RAPGEF6: variants seen among roughly 807,000 people sequenced by gnomAD.
RAPGEF6 encodes Rap guanine nucleotide exchange factor 6, also known as PDZ domain containing guanine nucleotide exchange factor (GEF) 2.
In RAPGEF6, 56 loss-of-function variants were observed where a neutral mutation model predicts 171.4. The observed-to-expected ratio is 0.33, with a 90% confidence interval of 0.26 to 0.41. RAPGEF6 has a LOEUF of 0.41. Ranked by LOEUF, RAPGEF6 falls within the 10% of genes least tolerant of loss-of-function variation. The pLI, the probability that RAPGEF6 is intolerant of heterozygous loss-of-function variation, is 1.00. For missense variants in RAPGEF6, 1,674 were observed against 1,921.4 expected (o/e 0.87, Z 2.41); for synonymous variants, 692 against 650.1 (o/e 1.06, Z -0.98).
intron 6 of RAPGEF6, among the ~76,000 whole-genome samples, chr5:131,530,938 T>TG (rs1209187047): frequency 6.6e-6 from 1 of 152,208 alleles, no homozygotes; most frequent in East Asian, 1.9e-4. Context: ...CAGCAATGCT[T>TG]GGGCCATATA....
At chr5:131,443,432 C>T (rs1752506067) in intron 22 of RAPGEF6, among the ~76,000 whole-genome samples, 1 of 152,172 alleles carries the variant, frequency 6.6e-6, no homozygotes, top group African/African-American at 2.4e-5. Flanking sequence ...TGCTGAGGGT[C>T]AAGTTAACAT....
intron 17 of RAPGEF6, among the ~76,000 whole-genome samples, chr5:131,467,603 A>G (rs1224455462): frequency 6.6e-6 from 1 of 152,268 alleles, no homozygotes; most frequent in Non-Finnish European, 1.5e-5. Context: ...TTAATCGCTT[A>G]GATGAATGGT....
chr5:131,590,171 G>A (rs1220767407), intron 4 of RAPGEF6, among the ~76,000 whole-genome samples: 7 of 152,262 alleles, frequency 4.6e-5, no homozygotes, highest in South Asian at 2.1e-4. Flanking sequence ...TGCCCAAGGC[G>A]GGCAGATCAC....
chr5:131,432,930 G>A (rs1490749580), intron 25 of RAPGEF6, among the ~76,000 whole-genome samples: 2 of 151,672 alleles, frequency 1.3e-5, no homozygotes, highest in African/African-American at 2.4e-5. Flanking sequence ...AGATTTCCAC[G>A]TTGCTTGATT....
intron 9 of RAPGEF6, among the ~76,000 whole-genome samples, chr5:131,507,137 C>A (rs1208793078): frequency 6.8e-6 from 1 of 146,856 alleles, no homozygotes; most frequent in Non-Finnish European, 1.5e-5. Flanking sequence ...TTGGTTATGT[C>A]CAATTTTTAC....
chr5:131,459,975 A>G (rs1320875098), intron 19 of RAPGEF6, among the ~76,000 whole-genome samples: 1 of 152,210 alleles, frequency 6.6e-6, no homozygotes, highest in Non-Finnish European at 1.5e-5. Context: ...TTATAGCCAG[A>G]ACAGAATGAT....
chr5:131,547,615 T>A (rs540848423), intron 6 of RAPGEF6, among the ~76,000 whole-genome samples: 3 of 151,448 alleles, frequency 2.0e-5, no homozygotes, highest in Non-Finnish European at 4.4e-5. Context: ...GTTCAAGCAA[T>A]TCTCCTGCCT....
At chr5:131,566,517 T>C (rs536059910) in intron 4 of RAPGEF6, among the ~76,000 whole-genome samples, 7 of 152,286 alleles carry the variant, frequency 4.6e-5, no homozygotes, top group Non-Finnish European at 8.8e-5. Context: ...TGTATATTCA[T>C]GAGGAATAAT....
intron 5 of RAPGEF6, among the ~76,000 whole-genome samples, chr5:131,559,845 A>G (rs1761481691): frequency 6.7e-6 from 1 of 149,016 alleles, no homozygotes; most frequent in Non-Finnish European, 1.5e-5. Flanking sequence ...GAAAAAAAGA[A>G]AAAAAAAAAA....
intron 9 of RAPGEF6, among the ~76,000 whole-genome samples, chr5:131,507,565 C>A (rs1384498329): frequency 1.3e-5 from 2 of 152,096 alleles, no homozygotes; most frequent in Non-Finnish European, 2.9e-5. Context: ...AAGCTGTCAT[C>A]CGAGCATTTT....
At chr5:131,526,942 AG>A (rs1758906673) in intron 6 of RAPGEF6, among the ~76,000 whole-genome samples, 1 of 152,124 alleles carries the variant, frequency 6.6e-6, no homozygotes, top group African/African-American at 2.4e-5. Context: ...GTATATATAG[AG>A]GGGGGTGGGG....
intron 17 of RAPGEF6, among the ~76,000 whole-genome samples, chr5:131,464,835 T>C (rs937538633): frequency 2.6e-5 from 4 of 152,190 alleles, no homozygotes; most frequent in Non-Finnish European, 5.9e-5. Context: ...TGAAATATAC[T>C]GCCAAACTGT....
chr5:131,557,993 AT>A (rs1204807229), intron 5 of RAPGEF6, among the ~76,000 whole-genome samples: 1 of 152,206 alleles, frequency 6.6e-6, no homozygotes, highest in African/African-American at 2.4e-5. Context: ...TTAGGCTGTT[AT>A]AAAAATTAAA....
intron 4 of RAPGEF6, among the ~76,000 whole-genome samples, chr5:131,566,677 C>T (rs1219050800): frequency 6.6e-6 from 1 of 151,624 alleles, no homozygotes; most frequent in East Asian, 1.9e-4. Flanking sequence ...TGTTTGAAAA[C>T]ATTCAGCTGT....
chr5:131,526,005 T>C (rs562653244), intron 6 of RAPGEF6, among the ~76,000 whole-genome samples: 3 of 152,340 alleles, frequency 2.0e-5, no homozygotes, highest in Admixed American at 6.5e-5. Context: ...TACACTCAAG[T>C]AAGCAGTAGA....
At chr5:131,585,069 TA>T (rs1349890851) in intron 4 of RAPGEF6, among the ~76,000 whole-genome samples, 3 of 152,200 alleles carry the variant, frequency 2.0e-5, no homozygotes, top group Non-Finnish European at 4.4e-5. Context: ...TCAACATCAT[TA>T]TTCATCAAAA....
At chr5:131,547,251 A>G (rs1561552368) in intron 6 of RAPGEF6, among the ~76,000 whole-genome samples, 1 of 152,214 alleles carries the variant, frequency 6.6e-6, no homozygotes, top group Non-Finnish European at 1.5e-5. Context: ...AAAAAACTAA[A>G]CACATCCTTG....
rs1469727252 is a variant in RAPGEF6 at position 131,469,466 on chromosome 5, C to T, written c.2239+3121G>A. ...GAAAAGAAGTAAGCTGTAAGTTCTA[C>T]ATGCAGATATAGAAAAAAATTCCTT... On this transcript the variant is annotated intron_variant, in intron 17 of 27. Transcript: ENST00000509018. Among the ~76,000 whole-genome samples, 3 of 152,064 alleles carry T rather than the reference C, an allele frequency of 2.0e-5. No homozygotes were observed. The East Asian group carries it at 5.8e-4, about 29-fold the overall frequency.
In RAPGEF6 at chr5:131,446,629, C is replaced by T. The variant is rs1184105930; in HGVS notation, c.3275G>A (p.Arg1092His). 1.5e-5 allele frequency: 24 copies of T among 1,614,186 alleles called. No individual in the cohort carries two copies. Among genetic ancestry groups the T allele is most frequent in the South Asian group, 1.4e-4 (13 of 91,092 alleles). ...CTTCTTGGCATTAAGCAGAGAGCTG[C>T]GGCGTGCCCTTTTTTTGTGAGCACC... ...QGGAHKKRARRSSLLNAKKLY... is the reference protein window; with the variant it reads ...QGGAHKKRARHSSLLNAKKLY... The change falls in exon 22 of 28, where the codon CGC (arginine) becomes CAC (histidine). Residue 1092 changes from arginine to histidine, a missense_variant. Around this residue, in one of 3 missense-constraint regions of RAPGEF6, gnomAD observed 1,116 missense variants for 1,321.5 expected, o/e 0.84. Coordinates refer to ENST00000509018, the MANE Select transcript of RAPGEF6 (RefSeq NM_016340.6).
Sources: allele counts gnomAD v4.1 joint callset (sites outside exome capture counted in the v4.1 genomes callset), GRCh38; gene constraint gnomAD v4.1.1; regional missense constraint gnomAD v4.1.1; transcripts MANE v1.5; gene names NCBI Gene and HGNC (gene_info 2026-07-23, HGNC 2026-07-21).